DOCK10: variants seen among roughly 807,000 people sequenced by gnomAD.
DOCK10 encodes dedicator of cytokinesis protein 10.
A neutral mutation model predicts 280.1 loss-of-function variants in DOCK10; 145 were observed. That is an observed-to-expected ratio of 0.52 (90% CI 0.45 to 0.59). DOCK10 has a LOEUF of 0.59. Ranked by LOEUF, DOCK10 falls within the 20% of genes least tolerant of loss-of-function variation. The pLI is 0.00. For synonymous variants in DOCK10, 915 were observed against 942.2 expected, an observed-to-expected ratio of 0.97 and a Z score of 0.53; for missense variants, 2,368 against 2,651.7, an observed-to-expected ratio of 0.89 and a Z score of 2.35.
chr2:225,032,923 A>T (rs1441832413), intron 1 of DOCK10, among the ~76,000 whole-genome samples: 3 of 152,190 alleles, frequency 2.0e-5, no homozygotes, highest in Non-Finnish European at 2.9e-5. Context: ...TAGTCATTTA[A>T]ATTGGTAATT....
intron 1 of DOCK10, among the ~76,000 whole-genome samples, chr2:224,955,556 G>A (rs574767360): frequency 1.8e-4 from 28 of 152,300 alleles, no homozygotes; most frequent in African/African-American, 6.5e-4. Context: ...TAATGGCACC[G>A]TAATGCATTT....
Position 224,805,243 on chromosome 2 carries a change from C to G in DOCK10, c.4014G>C (p.Leu1338=), listed in dbSNP as rs368049022. Reference sequence around the variant, plus strand: ...TTTTCATAATGTGAAGAAAACACATCAGGAGACTCCTGGTTTCTGCTTGAT... The same window carrying G: ...TTTTCATAATGTGAAGAAAACACATGAGGAGACTCCTGGTTTCTGCTTGAT... ...KLDQAETRSL[L]MCFLHIMKTI... Residue 1338 remains leucine, a synonymous_variant, in exon 36 of 56, where the codon CTG becomes CTC. Coordinates refer to ENST00000258390, the MANE Select transcript of DOCK10 (RefSeq NM_014689.3). This position sits in a 1 kb window ranked among gnomAD's most constrained non-coding sequence, Gnocchi z 4.3. The G allele has an allele frequency of 5.0e-6, 8 of 1,612,978 alleles. No individual in the cohort carries two copies. Among genetic ancestry groups the G allele is most frequent in the Non-Finnish European group, 6.8e-6 (8 of 1,179,306 alleles).
At chr2:225,008,784 G>A (rs1461048813) in intron 1 of DOCK10, among the ~76,000 whole-genome samples, 2 of 152,088 alleles carry the variant, frequency 1.3e-5, no homozygotes, top group Admixed American at 6.5e-5. Flanking sequence ...CCACTGAATC[G>A]TCCTTAGTAC....
At chr2:225,021,888 C>A (rs1447348075) in intron 1 of DOCK10, among the ~76,000 whole-genome samples, 2 of 152,106 alleles carry the variant, frequency 1.3e-5, no homozygotes, top group Non-Finnish European at 2.9e-5. Flanking sequence ...TTAAATTTCA[C>A]CATATAACTA....
intron 1 of DOCK10, among the ~76,000 whole-genome samples, chr2:224,994,092 G>A (rs1398588652): frequency 8.5e-5 from 13 of 152,086 alleles, no homozygotes; most frequent in Admixed American, 2.0e-4. Context: ...ATATTATATC[G>A]CTTTGTAATT....
At chr2:224,777,993 A>AC (rs1209844225) in intron 51 of DOCK10, 145 bp downstream of exon 51, 1 of 794,846 alleles carries the variant, frequency 1.3e-6, no homozygotes, top group African/African-American at 1.7e-5. Context: ...CAAATTACCA[A>AC]CCAACAGGCA....
At chr2:224,946,932 A>T in intron 1 of DOCK10, 1 of 1,542,726 alleles carries the variant, frequency 6.5e-7, no homozygotes, top group Non-Finnish European at 8.7e-7. Context: ...CCGTTTAAAA[A>T]CCTTCCCTCG....
intron 11 of DOCK10, among the ~76,000 whole-genome samples, chr2:224,868,290 G>C (rs1004263023): frequency 2.6e-4 from 40 of 152,106 alleles, no homozygotes; most frequent in African/African-American, 9.7e-4. Flanking sequence ...ACATACAACA[G>C]AGACAAAGAC....
rs370774836 is a variant in DOCK10 at position 224,868,624 on chromosome 2, C to T, written c.1258-3537G>A. On this transcript the variant is annotated intron_variant, in intron 11 of 55. Coordinates refer to ENST00000258390, the MANE Select transcript of DOCK10 (RefSeq NM_014689.3). ...AATGTAGTAATGTGACTAGTTTATA[C>T]GGGGGGGACAAGTCCAATTTCTTAA... is the stretch of plus-strand genomic sequence containing the variant. 3.3e-5 allele frequency among the ~76,000 whole-genome samples: 5 copies of T among 152,088 alleles called. 1 individual carries two copies. The South Asian group carries it at 6.2e-4, about 19-fold the overall frequency.
chr2:224,800,837 TA>T (rs1316284445), intron 40 of DOCK10, among the ~76,000 whole-genome samples: 1 of 152,196 alleles, frequency 6.6e-6, no homozygotes, highest in Non-Finnish European at 1.5e-5. Flanking sequence ...GTGTTTGGGC[TA>T]CAGCTAGGTT....
At chr2:224,866,549 C>A (rs1697921180) in intron 11 of DOCK10, among the ~76,000 whole-genome samples, 1 of 152,160 alleles carries the variant, frequency 6.6e-6, no homozygotes, top group African/African-American at 2.4e-5. Flanking sequence ...TCACCAAACA[C>A]AACCCACCCT....
At chr2:225,026,434 T>C (rs1447359448) in intron 1 of DOCK10, among the ~76,000 whole-genome samples, 1 of 152,138 alleles carries the variant, frequency 6.6e-6, no homozygotes, top group Non-Finnish European at 1.5e-5. Context: ...AAACACTGTC[T>C]GGGGAAGAAA....
chr2:224,816,889 A>C (rs915628556), intron 29 of DOCK10, among the ~76,000 whole-genome samples, 176 bp from the exon 30 acceptor site: 3 of 152,226 alleles, frequency 2.0e-5, no homozygotes, highest in African/African-American at 7.2e-5. Context: ...AACTGCAGTT[A>C]AGCTCCCTAC....
chr2:225,023,752 C>A (rs1190477474), intron 1 of DOCK10, among the ~76,000 whole-genome samples: 1 of 152,020 alleles, frequency 6.6e-6, no homozygotes, highest in Non-Finnish European at 1.5e-5. Context: ...ACAGCAAAAA[C>A]CAAAAACTAA....
intron 1 of DOCK10, among the ~76,000 whole-genome samples, chr2:224,945,632 G>A (rs1019451322): frequency 9.9e-5 from 15 of 151,816 alleles, no homozygotes; most frequent in Admixed American, 7.2e-4. Flanking sequence ...GAGAGGCAAC[G>A]TACTTATTCA....
At chr2:225,020,449 A>G (rs542323754) in intron 1 of DOCK10, among the ~76,000 whole-genome samples, 7 of 152,286 alleles carry the variant, frequency 4.6e-5, no homozygotes, top group African/African-American at 1.4e-4. Context: ...TTAACCTAGC[A>G]ACATATATTT....
At chr2:225,011,791 G>T (rs766044215) in intron 1 of DOCK10, among the ~76,000 whole-genome samples, 1 of 152,102 alleles carries the variant, frequency 6.6e-6, no homozygotes, top group African/African-American at 2.4e-5. Context: ...CACCCAAAAT[G>T]TTAGGCTCTG....
chr2:225,020,587 A>C (rs1258828485), intron 1 of DOCK10, among the ~76,000 whole-genome samples: 1 of 152,222 alleles, frequency 6.6e-6, no homozygotes, highest in East Asian at 1.9e-4. Context: ...TTCCCTCTGA[A>C]TAGAGGTAGC....
intron 26 of DOCK10, among the ~76,000 whole-genome samples, chr2:224,833,359 C>T (rs1695371581): frequency 6.6e-6 from 1 of 152,000 alleles, no homozygotes; most frequent in Non-Finnish European, 1.5e-5. Context: ...CCACAGTGTC[C>T]TCCCTGTCTC....
Sources: allele counts gnomAD v4.1 joint callset (sites outside exome capture counted in the v4.1 genomes callset), GRCh38; gene constraint gnomAD v4.1.1; non-coding constraint Gnocchi (gnomAD v3.1); transcripts MANE v1.5; gene names NCBI Gene and HGNC (gene_info 2026-07-23, HGNC 2026-07-21).